Variants in ABR observed in about 807,000 individuals in gnomAD.
ABR encodes ABR activator of RhoGEF and GTPase.
In ABR, 35 loss-of-function variants were observed where a neutral mutation model predicts 107.2. The ratio of observed to expected loss-of-function variants is 0.33; its 90% CI spans 0.25 to 0.43. The LOEUF is 0.43. Ranked by LOEUF, ABR falls within the 20% of genes least tolerant of loss-of-function variation. The probability of loss-of-function intolerance (pLI) is 1.00; values close to 1 mark genes in which losing one functional copy is unlikely to be tolerated. For synonymous variants in ABR, 498 were observed against 462.0 expected, an observed-to-expected ratio of 1.08 and a Z score of -1.00; for missense variants, 815 against 1,115.2, an observed-to-expected ratio of 0.73 and a Z score of 3.83.
At chr17:1,169,777 C>G (rs1206062060) in intron 1 of ABR, among the ~76,000 whole-genome samples, 1 of 152,092 alleles carries the variant, frequency 6.6e-6, no homozygotes, top group Non-Finnish European at 1.5e-5. Context: ...GCTGAGGGCT[C>G]TCTTTATTTT....
intron 1 of ABR, among the ~76,000 whole-genome samples, chr17:1,212,447 C>A (rs766617045): frequency 2.6e-5 from 4 of 151,510 alleles, no homozygotes; most frequent in South Asian, 4.2e-4. Context: ...GAAAAAAAAA[C>A]AACAACAAAA....
chr17:1,201,909 C>G (rs1247914613), intron 1 of ABR, among the ~76,000 whole-genome samples: 1 of 152,174 alleles, frequency 6.6e-6, no homozygotes, highest in African/African-American at 2.4e-5. Context: ...GATCTCCTGA[C>G]CTCGTGATCC....
chr17:1,005,849 C>G lies in ABR; in HGVS notation c.*231G>C, dbSNP rs1402879286. On this transcript the variant is annotated 3_prime_UTR_variant, in exon 23 of 23. Coordinates refer to ENST00000302538, the MANE Select transcript of ABR (RefSeq NM_021962.5). The stretch of plus-strand genomic sequence containing the variant: ...GAACAGCACGGAGCATCAGACACAA[C>G]TAGAGGTATGGAGGGCAGGAGGTGG... 8.5e-6 allele frequency: 5 copies of G among 589,824 alleles called. No homozygotes were observed. The highest frequency in any genetic ancestry group is 1.2e-5 in the Non-Finnish European group (4 of 329,950). The allele number at this position is 589,824 out of a possible 1,614,324, so 36.5% of individuals were successfully genotyped here.
chr17:1,094,936 G>A (rs2037303779), intron 3 of ABR, among the ~76,000 whole-genome samples: 1 of 152,192 alleles, frequency 6.6e-6, no homozygotes, highest in Non-Finnish European at 1.5e-5. Context: ...GCCCAGGTGG[G>A]TGAGCTGAAA....
intron 1 of ABR, among the ~76,000 whole-genome samples, chr17:1,227,708 G>A (rs945278752): frequency 4.6e-5 from 7 of 152,060 alleles, no homozygotes; most frequent in South Asian, 2.1e-4. Context: ...GACCCAACCG[G>A]ACACCACCAG....
At chr17:1,091,212 T>C (rs776901939) in intron 4 of ABR, among the ~76,000 whole-genome samples, 1 of 152,092 alleles carries the variant, frequency 6.6e-6, no homozygotes, top group African/African-American at 2.4e-5. Context: ...TGCCCCTCTG[T>C]TCACTGAGGG....
At chr17:1,144,228 A>AT (rs1205886731) in intron 1 of ABR, among the ~76,000 whole-genome samples, 1 of 152,180 alleles carries the variant, frequency 6.6e-6, no homozygotes, top group Non-Finnish European at 1.5e-5. Flanking sequence ...GACGGGCCGT[A>AT]TAACCTTGCC....
At chr17:1,197,147 A>G (rs944655997) in intron 1 of ABR, among the ~76,000 whole-genome samples, 1 of 151,630 alleles carries the variant, frequency 6.6e-6, no homozygotes, top group African/African-American at 2.4e-5. Flanking sequence ...TCTTCAAGGC[A>G]GCCCCCAGCC....
rs2042885071 is a variant in ABR at position 1,210,662 on chromosome 17, C to A, written c.838+18131G>T. 6.6e-6 allele frequency among the ~76,000 whole-genome samples: 1 copy of A among 152,140 alleles called. No homozygotes were observed. The highest frequency in any genetic ancestry group is 2.4e-5 in the African/African-American group (1 of 41,434). The stretch of plus-strand genomic sequence containing the variant: ...AGCCAAAAATCACTTTGGGCTGTTT[C>A]CTCTCTCTCTGCTTCCTGGCTCCTA... On this transcript the variant is annotated intron_variant, in intron 1 of 22. Transcript: ENST00000574139. The surrounding 1 kb of genome is among the most constrained non-coding windows in gnomAD (Gnocchi z 5.6).
intron 1 of ABR, among the ~76,000 whole-genome samples, chr17:1,171,232 C>G (rs1358525599): frequency 6.6e-6 from 1 of 152,192 alleles, no homozygotes; most frequent in Non-Finnish European, 1.5e-5. Flanking sequence ...CGTCTTTGGT[C>G]CCCGTAATCT....
At chr17:1,043,440 A>T (rs1476477727) in intron 16 of ABR, among the ~76,000 whole-genome samples, 1 of 152,220 alleles carries the variant, frequency 6.6e-6, no homozygotes, top group Non-Finnish European at 1.5e-5. Flanking sequence ...AAGTGCTGGG[A>T]TTACAGGCGT....
chr17:1,047,458 G>A (rs2151011423), intron 16 of ABR, among the ~76,000 whole-genome samples: 1 of 152,308 alleles, frequency 6.6e-6, no homozygotes. Context: ...GCCACAGCCC[G>A]CCCCTGGGGC....
At position 1,056,044 on chromosome 17, in the gene ABR, G is replaced by T. The variant is rs758675874; in HGVS notation, c.1552C>A (p.Gln518Lys). 8 of 1,614,064 alleles carry T rather than the reference G, an allele frequency of 5.0e-6. No individual in the cohort carries two copies. The South Asian group carries it at 8.8e-5, about 18-fold the overall frequency. The change falls in exon 14 of 23, where the codon CAA becomes AAA. Residue 518 changes from glutamine (Q) to lysine (K), a missense_variant. Physicochemically the swap from Gln to Lys is moderately conservative, Grantham distance 53 (BLOSUM62 1). This residue lies in a region of ABR where 385 missense variants were observed against 596.9 expected (regional missense o/e 0.64). Coordinates refer to ENST00000302538, the MANE Select transcript of ABR (RefSeq NM_021962.5). Reference protein sequence around the residue: ...VIVHSAKGFKQSANLYCTLEV... With the variant: ...VIVHSAKGFKKSANLYCTLEV... ...TGGCCAGGGCACTTACTGGCTGATT[G>T]CTTAAATCCCTTGGCAGAGTGGACG...
chr17:1,202,174 G>T (rs910366583), intron 1 of ABR, among the ~76,000 whole-genome samples: 32 of 152,046 alleles, frequency 2.1e-4, no homozygotes, highest in African/African-American at 7.0e-4. Context: ...CCCAGGTTGG[G>T]GCACCACCAT....
rs115365971 is a variant in ABR, at chr17:1,062,112, A to T, written c.1183-3245T>A. On this transcript the variant is annotated intron_variant, in intron 10 of 22. Transcript: ENST00000302538. Reference sequence around the variant, plus strand: ...GCTGAACCTGAGAGGTGAGGAAAACAGACCAAGCTGACCAAACCGCTCCAG... The same window carrying T: ...GCTGAACCTGAGAGGTGAGGAAAACTGACCAAGCTGACCAAACCGCTCCAG... 8.1e-3 allele frequency among the ~76,000 whole-genome samples: 1,227 copies of T among 152,344 alleles called. 16 individuals are homozygous for T. Among genetic ancestry groups the T allele is most frequent in the African/African-American group, 0.027 (1,137 of 41,574 alleles).
chr17:1,046,290 C>CA, intron 16 of ABR, among the ~76,000 whole-genome samples: 1 of 132,952 alleles, frequency 7.5e-6, no homozygotes, highest in East Asian at 2.0e-4. Context: ...AGGCGTGGGC[C>CA]CCACACCCAG....
chr17:1,125,771 G>T (rs370500455), intron 1 of ABR: 2 of 236,918 alleles, frequency 8.4e-6, no homozygotes, highest in East Asian at 8.7e-5. Context: ...ATAAGGAGGT[G>T]GGGGGGGCCG....
upstream of ABR, among the ~76,000 whole-genome samples, chr17:1,184,550 C>T (rs2042233079): frequency 6.6e-6 from 1 of 152,226 alleles, no homozygotes; most frequent in South Asian, 2.1e-4. Flanking sequence ...AGACTCCCAG[C>T]ACAGCTATGA....
At chr17:1,174,209 A>G (rs2041846341) in intron 1 of ABR, among the ~76,000 whole-genome samples, 1 of 152,180 alleles carries the variant, frequency 6.6e-6, no homozygotes, top group Non-Finnish European at 1.5e-5. Flanking sequence ...CAGAAACCTA[A>G]GTTTCTCTGA....
Sources: allele counts gnomAD v4.1 joint callset (sites outside exome capture counted in the v4.1 genomes callset), GRCh38; gene constraint gnomAD v4.1.1; regional missense constraint gnomAD v4.1.1; non-coding constraint Gnocchi (gnomAD v3.1); transcripts MANE v1.5; gene names NCBI Gene and HGNC (gene_info 2026-07-23, HGNC 2026-07-21).